The following UBA5 variants were observed in gnomAD, a reference collection of about 807,000 sequenced individuals.
UBA5 encodes ubiquitin like modifier activating enzyme 5, also known as ubiquitin-like modifier-activating enzyme 5.
Under a neutral mutation model 52.9 loss-of-function variants are expected in UBA5, and 28 were observed. That is an observed-to-expected ratio of 0.53 (90% confidence interval 0.39 to 0.73). The LOEUF is 0.73. UBA5 is among the 30% of genes least tolerant of loss of function. The pLI is 0.00. For synonymous variants in UBA5, 135 were observed against 162.1 expected (o/e 0.83, Z 1.27); for missense variants, 388 against 492.7 (o/e 0.79, Z 2.01).
chr3:132,676,108 T>C lies in UBA5; in HGVS notation c.1131+185T>C, dbSNP rs1237384517. On this transcript the variant is annotated intron_variant, in intron 11 of 11. Coordinates refer to ENST00000356232, the MANE Select transcript of UBA5 (RefSeq NM_024818.6). This position sits in a 1 kb window ranked among gnomAD's most constrained non-coding sequence, Gnocchi z 4.1. ...ATTTATAGCTTAAACTTTTAAAACA[T>C]AGAATAAAATGGTTTTGTTCACTCA... Among the ~76,000 whole-genome samples, 2 of 148,330 alleles carry C rather than the reference T, an allele frequency of 1.3e-5. No individual in the cohort carries two copies. The highest frequency in any genetic ancestry group is 2.9e-5 in the Non-Finnish European group (2 of 67,918).
In UBA5 at chr3:132,675,903, G is replaced by T. The variant is rs114925667; in HGVS notation, c.1111G>T (p.Ala371Ser). The T allele has an allele frequency of 6.2e-7, 1 of 1,601,256 alleles. No homozygotes were observed. The highest frequency in any genetic ancestry group is 8.5e-7 in the Non-Finnish European group (1 of 1,175,476). Residue 371 changes from alanine (A) to serine (S), a missense_variant, in exon 11 of 12, where the codon GCA (alanine) becomes TCA (serine). Ala to Ser is a moderately conservative substitution (Grantham distance 99). Coordinates refer to ENST00000356232, the MANE Select transcript of UBA5 (RefSeq NM_024818.6). ...VPDLPEGITV[A>S]YTIPKKQEDS... ...AGACTTACCTGAAGGAATTACAGTG[G>T]CATACACAATTCCAAAAAAGGTACT...
At chr3:132,660,041 A>G (rs985439139), upstream of UBA5, 1 of 393,700 alleles carries the variant, frequency 2.5e-6, no homozygotes, top group East Asian at 4.5e-5. The surrounding 1 kb of genome is among the most constrained non-coding windows in gnomAD (Gnocchi z 4.1). Context: ...AGCCATGGTC[A>G]TCGTTGCGGG....
upstream of UBA5, among the ~76,000 whole-genome samples, chr3:132,655,801 T>A: frequency 6.6e-6 from 1 of 152,256 alleles, no homozygotes; most frequent in East Asian, 1.9e-4. Context: ...CAGATACATA[T>A]TAGGCACTCA....
chr3:132,659,152 T>C (rs1197854043), upstream of UBA5, among the ~76,000 whole-genome samples: 1 of 152,192 alleles, frequency 6.6e-6, no homozygotes, highest in Non-Finnish European at 1.5e-5. Context: ...TGTGACCTCC[T>C]AAGTGGAAAA....
At chr3:132,659,916 C>T (rs1369784496), upstream of UBA5, 2 of 742,552 alleles carry the variant, frequency 2.7e-6, no homozygotes, top group Non-Finnish European at 4.0e-6. Flanking sequence ...CAACGCTTGC[C>T]CGCTGAATCC....
chr3:132,658,842 T>C (rs969299548), upstream of UBA5, among the ~76,000 whole-genome samples: 1 of 152,180 alleles, frequency 6.6e-6, no homozygotes, highest in African/African-American at 2.4e-5. Context: ...GGTATTTCAT[T>C]TCATTAATAA....
chr3:132,659,716 G>A (rs1273819346), upstream of UBA5: 1 of 1,609,018 alleles, frequency 6.2e-7, no homozygotes, highest in Non-Finnish European at 8.5e-7. Flanking sequence ...GCAGCACTTC[G>A]GCCAAATCGG....
In UBA5 at chr3:132,679,765, A is replaced by C. The variant is rs1422554313; in HGVS notation, c.*3239A>C. On this transcript the variant is annotated 3_prime_UTR_variant, in exon 12 of 12. Transcript: ENST00000356232. Reference sequence around the variant, plus strand: ...ATGACTTGTACCACTAAATAATCAAATTCTAAGCTCTAACAGCTTAATTCT... The same window carrying C: ...ATGACTTGTACCACTAAATAATCAACTTCTAAGCTCTAACAGCTTAATTCT... Among the ~76,000 whole-genome samples the C allele has an allele frequency of 6.6e-6, 1 of 152,150 alleles. No homozygotes were observed. The highest frequency in any genetic ancestry group is 1.9e-4 in the East Asian group (1 of 5,196).
chr3:132,660,767 G>C lies in UBA5; in HGVS notation c.161+69G>C, dbSNP rs1938117508. The C allele has an allele frequency of 1.4e-6, 2 of 1,458,550 alleles. No homozygotes were observed. The highest frequency in any genetic ancestry group is 1.8e-6 in the Non-Finnish European group (2 of 1,102,636). 90.4% of individuals were successfully genotyped at this position (1,458,550 alleles called of 1,614,324 possible). ...CAGGCTCCGTGAGGTCAGAAGTGAG[G>C]CGCTTCCCACGTCCCGCTCATGGGG... On this transcript the variant is annotated intron_variant, in intron 1 of 11. Coordinates refer to ENST00000356232, the MANE Select transcript of UBA5 (RefSeq NM_024818.6). The surrounding 1 kb of genome is among the most constrained non-coding windows in gnomAD (Gnocchi z 4.1).
At chr3:132,674,410 G>A (rs375754887) in intron 8 of UBA5, among the ~76,000 whole-genome samples, 5 of 152,166 alleles carry the variant, frequency 3.3e-5, no homozygotes, top group Admixed American at 2.0e-4. Context: ...CAGATTGGCC[G>A]GGTGCAGTGG....
rs1446577399 is a variant in UBA5, at chr3:132,670,998, T to C, written c.528T>C (p.Asp176=). Residue 176 remains aspartate, a synonymous_variant, in exon 6 of 12, where the codon GAT becomes GAC. Transcript: ENST00000356232. ...NGGLEEGKPV[D]LVLSCVDNFE... ...GGTTAGAAGAAGGAAAACCTGTTGA[T>C]CTAGTTCTTAGCTGTGTGGACAATT... The C allele has an allele frequency of 6.2e-7, 1 of 1,613,426 alleles. No individual in the cohort carries two copies. The highest frequency in any genetic ancestry group is 8.5e-7 in the Non-Finnish European group (1 of 1,179,548).
chr3:132,658,543 AATTG>A (rs1937940702), upstream of UBA5, among the ~76,000 whole-genome samples: 1 of 152,220 alleles, frequency 6.6e-6, no homozygotes, highest in Admixed American at 6.5e-5. Context: ...ATTCCACAGC[AATTG>A]AAATAGTTGA....
rs1938906854 is a variant in UBA5, at chr3:132,678,021, AAAAT to A, written c.*1500_*1503del. 6.6e-6 allele frequency: 1 copy of A among 152,280 alleles called. No homozygotes were observed. Among genetic ancestry groups the A allele is most frequent in the Admixed American group, 6.5e-5 (1 of 15,306 alleles). 9.4% of individuals were successfully genotyped at this position (152,280 alleles called of 1,614,324 possible). On this transcript the variant is annotated 3_prime_UTR_variant, in exon 12 of 12. Coordinates refer to ENST00000356232, the MANE Select transcript of UBA5 (RefSeq NM_024818.6). ...TTAAAAAATGAAATGCAGTTTTTCA[AAAAT>A]AAATTTCCTTTGGAAATTCTTGCAT...
chr3:132,672,128 C>T lies in UBA5; in HGVS notation c.763C>T (p.Pro255Ser). 1 of 1,613,898 alleles carries T rather than the reference C, an allele frequency of 6.2e-7. No individual in the cohort carries two copies. Among genetic ancestry groups the T allele is most frequent in the Non-Finnish European group, 8.5e-7 (1 of 1,179,918 alleles). Residue 255 changes from proline to serine, a missense_variant, in exon 8 of 12, where the codon CCT becomes TCT. Pro to Ser is a moderately conservative substitution (Grantham distance 74). Around this residue, in one of 3 missense-constraint regions of UBA5, gnomAD observed 277 missense variants for 326.4 expected, o/e 0.85. Coordinates refer to ENST00000356232, the MANE Select transcript of UBA5 (RefSeq NM_024818.6). The stretch of plus-strand genomic sequence containing the variant: ...AGAAGGTGTTTGTGCAGCCAGTCTT[C>T]CTACCACTATGGGTGTGGTTGCTGG... ...KREGVCAASL[P>S]TTMGVVAGIL...
Position 132,670,581 on chromosome 3 carries a change from G to A in UBA5, c.494+297G>A, listed in dbSNP as rs1161801514. On this transcript the variant is annotated intron_variant, in intron 5 of 11. Transcript: ENST00000356232. Reference sequence around the variant, plus strand: ...TAGATTATATTTCTGTCTGAAAATGGTTTTCTTCAGAGACTGTCAGACCAC... The same window carrying A: ...TAGATTATATTTCTGTCTGAAAATGATTTTCTTCAGAGACTGTCAGACCAC... The A allele has an allele frequency of 1.8e-4, 41 of 228,708 alleles. No homozygotes were observed. In the Admixed American group the frequency reaches 2.3e-3, roughly 13 times the overall value. 14.2% of individuals were successfully genotyped at this position (228,708 alleles called of 1,614,324 possible).
At chr3:132,656,998 CTT>C (rs1031656965), upstream of UBA5, among the ~76,000 whole-genome samples, 33 of 151,980 alleles carry the variant, frequency 2.2e-4, no homozygotes, top group African/African-American at 8.0e-4. Context: ...TTTCTTCTGT[CTT>C]TTCACTTTAA....
At chr3:132,671,649 C>T (rs1482184426) in intron 6 of UBA5, 128 bp from the exon 7 acceptor site, 1 of 673,776 alleles carries the variant, frequency 1.5e-6, no homozygotes, top group Non-Finnish European at 2.5e-6. Context: ...TATCTTACAA[C>T]TTGCCTCATT....
chr3:132,659,861 G>A (rs776372392), upstream of UBA5: 30 of 1,368,224 alleles, frequency 2.2e-5, no homozygotes, highest in Non-Finnish European at 2.8e-5. Context: ...CCGGGGTGGG[G>A]TCTGGCTCCA....
chr3:132,670,826 T>A (rs1938568303), intron 5 of UBA5, 139 bp from the exon 6 acceptor site: 2 of 514,928 alleles, frequency 3.9e-6, no homozygotes, highest in Non-Finnish European at 3.4e-6. Context: ...TATGATATCT[T>A]TAATATTACA....
Sources: gnomAD v4.1 joint callset for allele counts (sites outside exome capture counted in the v4.1 genomes callset) on GRCh38, gnomAD v4.1.1 for gene constraint, gnomAD v4.1.1 regional missense constraint, Gnocchi (gnomAD v3.1) non-coding constraint, MANE v1.5 for transcripts, NCBI Gene and HGNC (gene_info 2026-07-23, HGNC 2026-07-21) for gene names.